BOD1L1: variants seen among roughly 807,000 people sequenced by gnomAD.
The protein encoded by BOD1L1 is biorientation of chromosomes in cell division protein 1-like 1.
Under a neutral mutation model 240.7 loss-of-function variants are expected in BOD1L1, and 86 were observed. The ratio of observed to expected loss-of-function variants is 0.36; its 90% CI spans 0.30 to 0.43. The LOEUF is 0.43. Ranked by LOEUF, BOD1L1 falls within the 20% of genes least tolerant of loss-of-function variation. The probability of loss-of-function intolerance (pLI) is 1.00; values close to 1 mark genes in which losing one functional copy is unlikely to be tolerated. For synonymous variants in BOD1L1, 1,268 were observed against 1,272.3 expected, an observed-to-expected ratio of 1.00 and a Z score of 0.07; for missense variants, 3,554 against 3,643.5, an observed-to-expected ratio of 0.98 and a Z score of 0.63.
chr4:13,573,454 ATCTATCTATCTATCTATCTT>A (rs1416145988), intron 25 of BOD1L1, among the ~76,000 whole-genome samples: 6 of 122,528 alleles, frequency 4.9e-5, no homozygotes, highest in Non-Finnish European at 9.3e-5. Context: ...CTATCTATCT[ATCTATCTATCTATCTATCTT>A]TCTTTCTTTC....
At position 13,610,926 on chromosome 4, in the gene BOD1L1, G is replaced by C; in HGVS notation, c.1491+8C>G. On this transcript the variant is annotated splice_region_variant and intron_variant, in intron 6 of 25. Coordinates refer to ENST00000040738, the MANE Select transcript of BOD1L1 (RefSeq NM_148894.3). ...GTAGGTTAAAATAACAGAACAAACT[G>C]GACTTACAATGGACTGTCGTCGTTG... 6.3e-7 allele frequency: 1 copy of C among 1,591,262 alleles called. No individual in the cohort carries two copies. Among genetic ancestry groups the C allele is most frequent in the Non-Finnish European group, 8.5e-7 (1 of 1,170,748 alleles).
At chr4:13,606,755 G>A (rs1003060141) in intron 9 of BOD1L1, among the ~76,000 whole-genome samples, 3 of 152,128 alleles carry the variant, frequency 2.0e-5, no homozygotes, top group African/African-American at 4.8e-5. Flanking sequence ...ATGTGGACCC[G>A]TGGATAAGGA....
intron 24 of BOD1L1, 140 bp from the exon 25 acceptor site, chr4:13,577,131 A>G: frequency 1.9e-6 from 2 of 1,066,276 alleles, no homozygotes; most frequent in South Asian, 1.7e-5. Context: ...TTGTTTCAGC[A>G]CTTGCAATTC....
Position 13,608,664 on chromosome 4 carries a change from C to T in BOD1L1, c.1608G>A (p.Arg536=). ...TKSSKTKGQG[R]SSVDLEESST... The stretch of plus-strand genomic sequence containing the variant: ...ATGATTCTTCTAAGTCCACACTACT[C>T]CTGCCTAGAAAAGAAGCAATCAATA... Residue 536 remains arginine, a synonymous_variant, in exon 8 of 26, where the codon AGG becomes AGA. Coordinates refer to ENST00000040738, the MANE Select transcript of BOD1L1 (RefSeq NM_148894.3). 1.4e-6 allele frequency: 2 copies of T among 1,466,852 alleles called. No homozygotes were observed. The highest frequency in any genetic ancestry group is 2.6e-5 in the East Asian group (1 of 38,670). The allele number at this position is 1,466,852 out of a possible 1,614,324, so 90.9% of individuals were successfully genotyped here. A position where few individuals can be genotyped will look rare whatever the true frequency, so the allele number is the denominator to read the frequency against.
At chr4:13,584,018 A>T (rs187133844) in intron 17 of BOD1L1, among the ~76,000 whole-genome samples, 2 of 152,358 alleles carry the variant, frequency 1.3e-5, no homozygotes, top group African/African-American at 4.8e-5. Context: ...ATAATGTGCA[A>T]GACTAACAGG....
intron 6 of BOD1L1, 105 bp downstream of exon 6, chr4:13,610,829 C>T: frequency 1.1e-6 from 1 of 944,698 alleles, no homozygotes; most frequent in Non-Finnish European, 1.5e-6. Flanking sequence ...GAAGGCAAAT[C>T]CTGTATGTCT....
rs1577305732 is a variant in BOD1L1, at chr4:13,574,700, A to G, written c.9038+2138T>C. 3.9e-5 allele frequency among the ~76,000 whole-genome samples: 6 copies of G among 152,238 alleles called. 1 individual carries two copies. Among genetic ancestry groups the G allele is most frequent in the Admixed American group, 3.9e-4 (6 of 15,286 alleles). On this transcript the variant is annotated intron_variant, in intron 25 of 25. Coordinates refer to ENST00000040738, the MANE Select transcript of BOD1L1 (RefSeq NM_148894.3). Reference sequence around the variant, plus strand: ...TCCAGCACCCTCACCCTCTCCTAGCAGCAGCAATTTGGATTCTGTGACTTC... The same window carrying G: ...TCCAGCACCCTCACCCTCTCCTAGCGGCAGCAATTTGGATTCTGTGACTTC...
rs199861723 is a variant in BOD1L1 at position 13,599,482 on chromosome 4, T to C, written c.7418A>G (p.Asp2473Gly). The part of the protein sequence containing the change: ...NVLLNSLQKE[D>G]KSPETGTAGG... ...TGCTGTCCCTGTCTCTGGGCTCTTA[T>C]CTTCTTTCTGAAGGGAGTTCAACAA... Residue 2473 changes from aspartate to glycine, a missense_variant, in exon 10 of 26, where the codon GAT becomes GGT. Physicochemically the swap from Asp to Gly is moderately conservative, Grantham distance 94. Around this residue, in one of 2 missense-constraint regions of BOD1L1, gnomAD observed 3,393 missense variants for 3,427.1 expected, o/e 0.99. Transcript: ENST00000040738. 1.8e-4 allele frequency: 297 copies of C among 1,614,024 alleles called. 1 individual carries two copies. In the South Asian group the frequency reaches 3.0e-3, roughly 16 times the overall value.
In BOD1L1 at chr4:13,615,336, G is replaced by T. The variant is rs1206965828; in HGVS notation, c.535C>A (p.Pro179Thr). ...SGNTAPDDEK[P>T]DTSLITQGVP... ...CCTTGTGTAATAAGGGAAGTGTCTG[G>T]TTTCTCATCATCGGGAGCTGTGTTG... Residue 179 changes from proline (P) to threonine (T), a missense_variant, in exon 3 of 26, where the codon CCA becomes ACA. Transcript: ENST00000040738. 2 of 1,612,398 alleles carry T rather than the reference G, an allele frequency of 1.2e-6. No individual in the cohort carries two copies. Among genetic ancestry groups the T allele is most frequent in the Non-Finnish European group, 8.5e-7 (1 of 1,179,128 alleles).
chr4:13,616,075 TA>T (rs1435590448), intron 2 of BOD1L1, among the ~76,000 whole-genome samples: 4 of 152,334 alleles, frequency 2.6e-5, no homozygotes, highest in African/African-American at 9.6e-5. Context: ...CTTCCCGCTG[TA>T]AAAACTGGAT....
chr4:13,615,303 G>A lies in BOD1L1; in HGVS notation c.559+9C>T. The A allele has an allele frequency of 1.3e-6, 2 of 1,598,390 alleles. No homozygotes were observed. The highest frequency in any genetic ancestry group is 8.5e-7 in the Non-Finnish European group (1 of 1,171,168). On this transcript the variant is annotated intron_variant, in intron 3 of 25. Transcript: ENST00000040738. ...ACAATGGAACTGACCAAGAGTAAAA[G>A]CAAAGCACCTTGTGTAATAAGGGAA...
chr4:13,572,921 C>G (rs1463429688), intron 25 of BOD1L1: 1 of 1,185,822 alleles, frequency 8.4e-7, no homozygotes, highest in Non-Finnish European at 1.1e-6. Context: ...AAGTATGAGG[C>G]TCCTTGTGGG....
chr4:13,619,167 TACA>T (rs1400828975), intron 2 of BOD1L1, among the ~76,000 whole-genome samples: 2 of 151,930 alleles, frequency 1.3e-5, no homozygotes, highest in Admixed American at 1.3e-4. Context: ...TACAAAAAAA[TACA>T]ACGATAAGCT....
At chr4:13,582,331 T>C (rs1323765172) in intron 18 of BOD1L1, 21 bp from the exon 19 acceptor site, 2 of 1,599,328 alleles carry the variant, frequency 1.3e-6, no homozygotes, top group East Asian at 2.2e-5. Flanking sequence ...GGAAGAACTT[T>C]GTTCAATGCT....
intron 1 of BOD1L1, among the ~76,000 whole-genome samples, chr4:13,621,915 A>AG (rs1305153047): frequency 2.1e-5 from 3 of 143,258 alleles, no homozygotes; most frequent in Non-Finnish European, 3.0e-5. Context: ...CCCATGCTAG[A>AG]GTACAGTGGT....
intron 1 of BOD1L1, among the ~76,000 whole-genome samples, chr4:13,621,244 C>T: frequency 6.6e-6 from 1 of 152,230 alleles, no homozygotes; most frequent in East Asian, 1.9e-4. Flanking sequence ...GATGTTCTTT[C>T]TACCTTTCTT....
chr4:13,599,347 T>C lies in BOD1L1; in HGVS notation c.7553A>G (p.Asp2518Gly). Reference sequence around the variant, plus strand: ...CAAATAGCGAATGCTGACAGAGGGATCCTTAGCCGTCTGCCCAGACGTCTG... The same window carrying C: ...CAAATAGCGAATGCTGACAGAGGGACCCTTAGCCGTCTGCCCAGACGTCTG... The part of the protein sequence containing the change: ...PEQTSGQTAK[D>G]PSVSIRYLAA... Residue 2518 changes from aspartate to glycine, a missense_variant, in exon 10 of 26, where the codon GAT becomes GGT. By Grantham distance (94) the Asp-to-Gly change is moderately conservative (BLOSUM62 -1). This residue lies in a region of BOD1L1 where 3,393 missense variants were observed against 3,427.1 expected (regional missense o/e 0.99). Coordinates refer to ENST00000040738, the MANE Select transcript of BOD1L1 (RefSeq NM_148894.3). 3 of 1,613,912 alleles carry C rather than the reference T, an allele frequency of 1.9e-6. No homozygotes were observed. Among genetic ancestry groups the C allele is most frequent in the Non-Finnish European group, 2.5e-6 (3 of 1,179,870 alleles).
intron 2 of BOD1L1, among the ~76,000 whole-genome samples, chr4:13,619,412 C>G (rs1471363712): frequency 6.6e-6 from 1 of 151,394 alleles, no homozygotes; most frequent in Admixed American, 6.6e-5. Flanking sequence ...CTCAAAATGG[C>G]TCTGACAAGT....
intron 8 of BOD1L1, 82 bp from the exon 9 acceptor site, chr4:13,607,271 C>T (rs1715785554): frequency 9.4e-6 from 6 of 638,430 alleles, no homozygotes; most frequent in Non-Finnish European, 1.4e-5. Flanking sequence ...AAAATCTTTC[C>T]TTTACTATAA....
Sources: allele counts gnomAD v4.1 joint callset (sites outside exome capture counted in the v4.1 genomes callset), GRCh38; gene constraint gnomAD v4.1.1; regional missense constraint gnomAD v4.1.1; transcripts MANE v1.5; gene names NCBI Gene and HGNC (gene_info 2026-07-23, HGNC 2026-07-21).